Variants in MINK1 observed in about 807,000 individuals in gnomAD.
MINK1 encodes misshapen-like kinase 1.
Under a neutral mutation model 178.4 loss-of-function variants are expected in MINK1, and 46 were observed. The observed-to-expected ratio is 0.26, with a 90% CI of 0.20 to 0.33. The LOEUF is 0.33. Ranked by LOEUF, MINK1 falls within the 10% of genes least tolerant of loss-of-function variation. The pLI is 1.00. For synonymous variants in MINK1, 797 were observed against 709.7 expected (o/e 1.12, Z -1.96); for missense variants, 1,366 against 1,814.9 (o/e 0.75, Z 4.49).
chr17:4,893,203 T>A lies in MINK1; in HGVS notation c.2400+136T>A, dbSNP rs140064847. 6.6e-4 allele frequency: 1,038 copies of A among 1,568,610 alleles called. 6 individuals are homozygous for A. The African/African-American group carries it at 0.012, about 19-fold the overall frequency. On this transcript the variant is annotated intron_variant, in intron 20 of 31. Transcript: ENST00000355280. ...GGGATGGAGGGACTGGTGCTTCTCATGGTGCTAACCTTTCCTAACCTCTCT... is the reference window on the plus strand; with the variant it reads ...GGGATGGAGGGACTGGTGCTTCTCAAGGTGCTAACCTTTCCTAACCTCTCT...
chr17:4,850,924 C>T, intron 1 of MINK1: 2 of 423,492 alleles, frequency 4.7e-6, no homozygotes, highest in Non-Finnish European at 9.6e-6. Flanking sequence ...TGCCCCCTCC[C>T]ACTGCCATGC....
At chr17:4,882,780 T>G (rs938538628) in intron 4 of MINK1, among the ~76,000 whole-genome samples, 1 of 152,182 alleles carries the variant, frequency 6.6e-6, no homozygotes. Context: ...CACTTTCACA[T>G]GTCATTTAGG....
intron 14 of MINK1, 85 bp downstream of exon 14, chr17:4,890,820 G>A: frequency 2.0e-6 from 3 of 1,517,318 alleles, no homozygotes; most frequent in Non-Finnish European, 2.7e-6. Flanking sequence ...GTTCACAGTA[G>A]CAGGCACCAA....
chr17:4,895,103 C>G lies in MINK1; in HGVS notation c.2946C>G (p.Leu982=), dbSNP rs370114801. 2 of 1,613,598 alleles carry G rather than the reference C, an allele frequency of 1.2e-6. No individual in the cohort carries two copies. Among genetic ancestry groups the G allele is most frequent in the East Asian group, 2.2e-5 (1 of 44,880 alleles). ...TALVGGEGTR[L]DQLQYDVRKG... ...TAGTGGGTGGAGAGGGCACTCGGCT[C>G]GACCAGCTGCAGTACGACGTGAGGA... Residue 982 remains leucine (L), a synonymous_variant, in exon 25 of 32, where the codon CTC becomes CTG. Transcript: ENST00000355280. The surrounding 1 kb of genome is among the most constrained non-coding windows in gnomAD (Gnocchi z 4.3).
At chr17:4,844,342 T>C (rs1397430115) in intron 1 of MINK1, among the ~76,000 whole-genome samples, 2 of 152,184 alleles carry the variant, frequency 1.3e-5, no homozygotes, top group Admixed American at 6.5e-5. Flanking sequence ...CTGTGACTTA[T>C]GGTAAACAGG....
Position 4,895,627 on chromosome 17 carries a change from G to T in MINK1, c.3230-71G>T. On this transcript the variant is annotated intron_variant, in intron 26 of 31. Coordinates refer to ENST00000355280, the MANE Select transcript of MINK1 (RefSeq NM_153827.5). The surrounding 1 kb of genome is among the most constrained non-coding windows in gnomAD (Gnocchi z 4.3). ...CACCCCTTGTGGTATGCTGACAGAG[G>T]AGGCCAGGGCGGTGGCATTCGGGCC... The T allele has an allele frequency of 6.3e-7, 1 of 1,579,784 alleles. No homozygotes were observed. The highest frequency in any genetic ancestry group is 8.6e-7 in the Non-Finnish European group (1 of 1,160,044).
rs756735031 is a variant in MINK1 at position 4,893,610 on chromosome 17, G to T, written c.2564+13G>T. The T allele has an allele frequency of 1.3e-6, 2 of 1,519,264 alleles. No individual in the cohort carries two copies. Among genetic ancestry groups the T allele is most frequent in the Admixed American group, 4.3e-5 (2 of 46,200 alleles). 94.1% of individuals were successfully genotyped at this position (1,519,264 alleles called of 1,614,324 possible). A position where few individuals can be genotyped will look rare whatever the true frequency, so the allele number is the denominator to read the frequency against. Reference sequence around the variant, plus strand: ...CCCCTGGGGGCCGGTACGGCATCGGGAGTGGGGCCCTCCCACTCCAAGGCA... The same window carrying T: ...CCCCTGGGGGCCGGTACGGCATCGGTAGTGGGGCCCTCCCACTCCAAGGCA... On this transcript the variant is annotated intron_variant, in intron 21 of 31. Transcript: ENST00000355280.
At position 4,894,126 on chromosome 17, in the gene MINK1, G is replaced by T; in HGVS notation, c.2670+33G>T. The T allele has an allele frequency of 6.2e-7, 1 of 1,608,962 alleles. No homozygotes were observed. The highest frequency in any genetic ancestry group is 8.5e-7 in the Non-Finnish European group (1 of 1,176,828). On this transcript the variant is annotated intron_variant, in intron 22 of 31. Coordinates refer to ENST00000355280, the MANE Select transcript of MINK1 (RefSeq NM_153827.5). This position sits in a 1 kb window ranked among gnomAD's most constrained non-coding sequence, Gnocchi z 4.1. ...AGCCTCTGCTCCCTCCCCTGTACCT[G>T]TGTGTGCCCTCCTCAGCCCCACGCC...
At position 4,894,010 on chromosome 17, in the gene MINK1, G is replaced by A. The variant is rs2302319; in HGVS notation, c.2587G>A (p.Val863Ile). The A allele has an allele frequency of 0.1, 162,561 of 1,587,532 alleles. 15,072 individuals are homozygous for A. Among genetic ancestry groups the A allele is most frequent in the East Asian group, 0.47 (20,538 of 44,144 alleles). The change falls in exon 22 of 32, where the codon GTC becomes ATC. Residue 863 changes from valine to isoleucine, a missense_variant. Transcript: ENST00000355280. The surrounding 1 kb of genome is among the most constrained non-coding windows in gnomAD (Gnocchi z 4.1). ...CAGCAGCGATGGGGATACAGACAGC[G>A]TCAGCACCATGGTGGTCCACGACGT... ...GGRSDGDTDS[V>I]STMVVHDVEE...
intron 20 of MINK1, 101 bp from the exon 21 acceptor site, chr17:4,893,333 G>A: frequency 6.2e-7 from 1 of 1,613,470 alleles, no homozygotes; most frequent in Non-Finnish European, 8.5e-7. Flanking sequence ...GCCTGCTTGT[G>A]GGAGCCCCTC....
In MINK1 at chr17:4,889,766, A is replaced by T; in HGVS notation, c.1347+3A>T. On this transcript the variant is annotated splice_donor_region_variant and intron_variant, in intron 13 of 31. Coordinates refer to ENST00000355280, the MANE Select transcript of MINK1 (RefSeq NM_153827.5). Reference sequence around the variant, plus strand: ...GGCGGCAGGCGGAGCGCGAGCAGGTAGAGCGCCGCACCCGCATCCCTGCCC... The same window carrying T: ...GGCGGCAGGCGGAGCGCGAGCAGGTTGAGCGCCGCACCCGCATCCCTGCCC... The T allele has an allele frequency of 6.5e-7, 1 of 1,529,830 alleles. No individual in the cohort carries two copies. The highest frequency in any genetic ancestry group is 8.8e-7 in the Non-Finnish European group (1 of 1,141,274). The allele number at this position is 1,529,830 out of a possible 1,614,324, so 94.8% of individuals were successfully genotyped here.
intron 1 of MINK1, among the ~76,000 whole-genome samples, chr17:4,867,153 T>G (rs138906952): frequency 0.072 from 9,921 of 137,890 alleles, 513 homozygotes; most frequent in Non-Finnish European, 0.096. Flanking sequence ...TTTTTTTTTT[T>G]TTTTTTTTTT....
intron 2 of MINK1, among the ~76,000 whole-genome samples, chr17:4,879,236 C>T (rs1035552541): frequency 4.0e-5 from 6 of 151,278 alleles, no homozygotes; most frequent in Admixed American, 6.6e-5. Context: ...GTGGCCTGAC[C>T]ACTGCTCACA....
intron 4 of MINK1, among the ~76,000 whole-genome samples, chr17:4,882,136 C>G (rs1053574443): frequency 2.6e-5 from 4 of 152,334 alleles, no homozygotes; most frequent in East Asian, 1.9e-4. Flanking sequence ...TGGTGGAGAT[C>G]GCGGCAGGCT....
chr17:4,845,287 G>C lies in MINK1; in HGVS notation c.57+11647G>C, dbSNP rs16954203. Reference sequence around the variant, plus strand: ...ATTGGGCAGCAGCAAGAGAAGTTAAGGGTTTCTGTTCCGTATTCAGTTCCT... The same window carrying C: ...ATTGGGCAGCAGCAAGAGAAGTTAACGGTTTCTGTTCCGTATTCAGTTCCT... On this transcript the variant is annotated intron_variant, in intron 1 of 31. Transcript: ENST00000355280. Among the ~76,000 whole-genome samples the C allele has an allele frequency of 6.5e-3, 997 of 152,214 alleles. 10 individuals carry two copies. Among genetic ancestry groups the C allele is most frequent in the African/African-American group, 0.022 (914 of 41,530 alleles).
Position 4,833,702 on chromosome 17 carries a change from G to C in MINK1, c.57+62G>C. ...GTCCCCGCCGCAGGGGAGGGAGCGG[G>C]GTGGCTGCACGCCTCACGTGCTCCC... On this transcript the variant is annotated intron_variant, in intron 1 of 31. Transcript: ENST00000355280. The surrounding 1 kb of genome is among the most constrained non-coding windows in gnomAD (Gnocchi z 4.8). 8 of 1,370,708 alleles carry C rather than the reference G, an allele frequency of 5.8e-6. No individual in the cohort carries two copies. Among genetic ancestry groups the C allele is most frequent in the Non-Finnish European group, 7.7e-6 (8 of 1,040,344 alleles). The allele number at this position is 1,370,708 out of a possible 1,614,324, so 84.9% of individuals were successfully genotyped here.
At position 4,885,995 on chromosome 17, in the gene MINK1, G is replaced by T. The variant is rs761037282; in HGVS notation, c.694+30G>T. 2.5e-5 allele frequency: 40 copies of T among 1,613,240 alleles called. No individual in the cohort carries two copies. Among genetic ancestry groups the T allele is most frequent in the Non-Finnish European group, 3.1e-5 (37 of 1,179,358 alleles). ...GTTCTGAGTCTGCCGGGAGTGGGAG[G>T]GGAGGGAAAGGAAGGGCCCAGAGAG... On this transcript the variant is annotated intron_variant, in intron 8 of 31. Coordinates refer to ENST00000355280, the MANE Select transcript of MINK1 (RefSeq NM_153827.5). This position sits in a 1 kb window ranked among gnomAD's most constrained non-coding sequence, Gnocchi z 5.0.
In MINK1 at chr17:4,895,873, A is replaced by G; in HGVS notation, c.3364+41A>G. 6.2e-7 allele frequency: 1 copy of G among 1,602,876 alleles called. No individual in the cohort carries two copies. Among genetic ancestry groups the G allele is most frequent in the African/African-American group, 1.3e-5 (1 of 74,854 alleles). On this transcript the variant is annotated intron_variant, in intron 27 of 31. Transcript: ENST00000355280. The surrounding 1 kb of genome is among the most constrained non-coding windows in gnomAD (Gnocchi z 4.3). ...CAGAGTGGCCAGCGCATACTTGTTC[A>G]TGAAGAGAGAAATGGATCTGGGAGC...
chr17:4,879,716 T>C (rs1307778462), intron 2 of MINK1, among the ~76,000 whole-genome samples: 1 of 152,182 alleles, frequency 6.6e-6, no homozygotes, highest in Non-Finnish European at 1.5e-5. Context: ...AGGAGGGCAA[T>C]GGCTGGGGAC....
Sources: gnomAD v4.1 joint callset for allele counts (sites outside exome capture counted in the v4.1 genomes callset) on GRCh38, gnomAD v4.1.1 for gene constraint, Gnocchi (gnomAD v3.1) non-coding constraint, MANE v1.5 for transcripts, NCBI Gene and HGNC (gene_info 2026-07-23, HGNC 2026-07-21) for gene names.